TMEM161B: variants seen among roughly 807,000 people sequenced by gnomAD.
TMEM161B encodes the protein transmembrane protein 161B.
A neutral mutation model predicts 61.8 loss-of-function variants in TMEM161B; 34 were observed. The observed-to-expected ratio is 0.55, with a 90% CI of 0.42 to 0.73. TMEM161B has a LOEUF of 0.73. TMEM161B is among the 30% of genes least tolerant of loss of function. The pLI is 0.00. For synonymous variants in TMEM161B, 167 were observed against 192.8 expected (o/e 0.87, Z 1.11); for missense variants, 456 against 558.5 (o/e 0.82, Z 1.85).
At chr5:88,254,195 A>G (rs1037055031) in intron 1 of TMEM161B, among the ~76,000 whole-genome samples, 4 of 152,176 alleles carry the variant, frequency 2.6e-5, no homozygotes, top group Non-Finnish European at 4.4e-5. Flanking sequence ...AAGCACATAT[A>G]GGTATGGAGA....
intron 5 of TMEM161B, among the ~76,000 whole-genome samples, chr5:88,209,095 T>C (rs1192935461): frequency 6.6e-6 from 1 of 152,236 alleles, no homozygotes; most frequent in Non-Finnish European, 1.5e-5. Flanking sequence ...CTGGAAAAGT[T>C]TTGGATTTTG....
intron 2 of TMEM161B, among the ~76,000 whole-genome samples, chr5:88,239,757 A>T (rs1489464390): frequency 6.6e-6 from 1 of 152,046 alleles, no homozygotes. Context: ...AATACAAATA[A>T]TTTAAAATAG....
Position 88,198,963 on chromosome 5 carries a change from G to T in TMEM161B, c.1089+13C>A, listed in dbSNP as rs115483226. The T allele has an allele frequency of 1.1e-3, 1,706 of 1,605,106 alleles. 26 individuals carry two copies. The African/African-American group carries it at 0.021, about 20-fold the overall frequency. ...TTTGCTATTTTTCATTTTGACTAGG[G>T]TATAAAACTTACCATTTTCTGTAGC... On this transcript the variant is annotated intron_variant, in intron 10 of 11. Coordinates refer to ENST00000296595, the MANE Select transcript of TMEM161B (RefSeq NM_153354.5).
chr5:88,212,255 A>G (rs1746957945), intron 5 of TMEM161B, among the ~76,000 whole-genome samples: 1 of 152,216 alleles, frequency 6.6e-6, no homozygotes, highest in South Asian at 2.1e-4. Flanking sequence ...TCAAAACTGC[A>G]AAGTCTAAAA....
intron 1 of TMEM161B, among the ~76,000 whole-genome samples, chr5:88,247,681 T>A (rs1753788963): frequency 6.6e-6 from 1 of 152,056 alleles, no homozygotes; most frequent in South Asian, 2.1e-4. Flanking sequence ...ACATAAAACT[T>A]AGAATTCACA....
At chr5:88,193,132 T>G (rs976313938), downstream of TMEM161B, among the ~76,000 whole-genome samples, 6 of 152,116 alleles carry the variant, frequency 3.9e-5, no homozygotes, top group African/African-American at 1.4e-4. Flanking sequence ...TGCACATGGA[T>G]ATTAAGATAA....
intron 1 of TMEM161B, among the ~76,000 whole-genome samples, chr5:88,251,838 T>C (rs1429774535): frequency 6.6e-6 from 1 of 152,166 alleles, no homozygotes; most frequent in Non-Finnish European, 1.5e-5. Context: ...AGTATCTTCC[T>C]GGCTATCATC....
At chr5:88,186,435 A>T (rs1748360462), downstream of TMEM161B, among the ~76,000 whole-genome samples, 1 of 152,162 alleles carries the variant, frequency 6.6e-6, no homozygotes, top group Non-Finnish European at 1.5e-5. Flanking sequence ...ACACTTTTTC[A>T]TGTGCTTAAT....
chr5:88,246,054 T>G lies in TMEM161B; in HGVS notation c.4-5138A>C, dbSNP rs537014563. ...ACCCAAAGAAAGGCAAACATCATAGTACATTCTCAGTGTTAATGTTTGACT... is the reference window on the plus strand; with the variant it reads ...ACCCAAAGAAAGGCAAACATCATAGGACATTCTCAGTGTTAATGTTTGACT... On this transcript the variant is annotated intron_variant, in intron 1 of 11. Coordinates refer to ENST00000296595, the MANE Select transcript of TMEM161B (RefSeq NM_153354.5). Among the ~76,000 whole-genome samples the G allele has an allele frequency of 2.0e-5, 3 of 151,992 alleles. 1 individual carries two copies. The South Asian group carries it at 6.2e-4, about 31-fold the overall frequency.
At chr5:88,216,217 A>G (rs1747798087) in intron 5 of TMEM161B, among the ~76,000 whole-genome samples, 1 of 152,142 alleles carries the variant, frequency 6.6e-6, no homozygotes, top group African/African-American at 2.4e-5. Flanking sequence ...CTGCACAACA[A>G]CTTGGGTGAC....
At chr5:88,257,872 CTT>C (rs199839746) in intron 1 of TMEM161B, among the ~76,000 whole-genome samples, 1,919 of 152,268 alleles carry the variant, frequency 0.013, 21 homozygotes, top group Middle Eastern at 0.024. Flanking sequence ...GGGAATTTCT[CTT>C]AAGAAAGACT....
chr5:88,232,785 A>T (rs1197891695), intron 2 of TMEM161B, among the ~76,000 whole-genome samples: 1 of 152,194 alleles, frequency 6.6e-6, no homozygotes. Flanking sequence ...CGTGTTAGCC[A>T]GGATGGTCTC....
intron 10 of TMEM161B, 89 bp from the exon 11 acceptor site, chr5:88,197,854 T>A: frequency 9.6e-7 from 1 of 1,038,864 alleles, no homozygotes; most frequent in Non-Finnish European, 1.4e-6. Context: ...CCAAAATACT[T>A]AAGAGATAAT....
At chr5:88,248,194 G>A (rs1283811584) in intron 1 of TMEM161B, among the ~76,000 whole-genome samples, 1 of 152,022 alleles carries the variant, frequency 6.6e-6, no homozygotes, top group Non-Finnish European at 1.5e-5. Flanking sequence ...ACAAAATAGT[G>A]AATTTAACTG....
rs183584058 is a variant in TMEM161B at position 88,206,498 on chromosome 5, C to A, written c.600G>T (p.Gly200=). The A allele has an allele frequency of 1.7e-4, 269 of 1,577,322 alleles. 1 individual carries two copies. In the African/African-American group the frequency reaches 3.3e-3, roughly 19 times the overall value. The change falls in exon 7 of 12, where the codon GGG becomes GGT. Residue 200 remains glycine (G), a splice_region_variant and synonymous_variant. Transcript: ENST00000296595. ...ENYLEFGLET[G]FTNFSDSAMQ... ...TCGCACTGTCTGAAAAATTTGTAAA[C>A]CCTGTGGGGGAAAAAAAAAAAAACA...
chr5:88,223,462 A>AT (rs2112543982), intron 4 of TMEM161B, among the ~76,000 whole-genome samples: 1 of 152,336 alleles, frequency 6.6e-6, no homozygotes, highest in East Asian at 1.9e-4. Flanking sequence ...CATTTTATAC[A>AT]AGTAAGCGCA....
chr5:88,245,573 A>T (rs957551211), intron 1 of TMEM161B, among the ~76,000 whole-genome samples: 1 of 151,936 alleles, frequency 6.6e-6, no homozygotes, highest in Non-Finnish European at 1.5e-5. Context: ...TCTCACAAAC[A>T]TATATAATAA....
chr5:88,239,408 T>G (rs1752379973), intron 2 of TMEM161B, among the ~76,000 whole-genome samples: 2 of 151,984 alleles, frequency 1.3e-5, no homozygotes, highest in South Asian at 4.1e-4. Context: ...CCTTTTTACT[T>G]CAAATTAATG....
chr5:88,200,910 T>A (rs2112360050), intron 9 of TMEM161B: 1 of 152,168 alleles, frequency 6.6e-6, no homozygotes, highest in South Asian at 2.1e-4. Context: ...ATACCATATT[T>A]TTGCTTCTGA....
Sources: gnomAD v4.1 joint callset for allele counts (sites outside exome capture counted in the v4.1 genomes callset) on GRCh38, gnomAD v4.1.1 for gene constraint, MANE v1.5 for transcripts, NCBI Gene and HGNC (gene_info 2026-07-23, HGNC 2026-07-21) for gene names.